Variants in SYT16 observed in about 807,000 individuals in gnomAD.
SYT16 encodes synaptotagmin 16.
In SYT16, 42 loss-of-function variants were observed where a neutral mutation model predicts 61.4. The observed-to-expected ratio is 0.68, with a 90% CI of 0.53 to 0.89. The LOEUF (loss-of-function observed/expected upper bound fraction) is 0.89, where lower values mean the gene tolerates loss of function less well. Among genes scored for constraint, SYT16 ranks in the 40% least tolerant of loss-of-function variants. The pLI, the probability that SYT16 is intolerant of heterozygous loss-of-function variation, is 0.00. For missense variants in SYT16, 804 were observed against 807.3 expected, an observed-to-expected ratio of 1.00 and a Z score of 0.05; for synonymous variants, 314 against 302.3, an observed-to-expected ratio of 1.04 and a Z score of -0.40.
chr14:61,993,834 T>C (rs141757200), intron 2 of SYT16, among the ~76,000 whole-genome samples: 2 of 152,338 alleles, frequency 1.3e-5, no homozygotes, highest in Non-Finnish European at 2.9e-5. Flanking sequence ...TGCTAGGTGT[T>C]GTTTTTTGCA....
At chr14:62,068,459 C>T (rs571972384) in intron 3 of SYT16, among the ~76,000 whole-genome samples, 4 of 152,128 alleles carry the variant, frequency 2.6e-5, no homozygotes, top group African/African-American at 4.8e-5. Flanking sequence ...GTATACAAAG[C>T]GGATATGCAG....
chr14:62,058,665 A>G (rs2055679471), intron 3 of SYT16, among the ~76,000 whole-genome samples: 1 of 152,106 alleles, frequency 6.6e-6, no homozygotes, highest in South Asian at 2.1e-4. Context: ...TGCCTGGCCT[A>G]AATTCTTAAG....
At chr14:62,048,895 A>T (rs2055130498) in intron 3 of SYT16, among the ~76,000 whole-genome samples, 2 of 152,194 alleles carry the variant, frequency 1.3e-5, no homozygotes, top group Admixed American at 1.3e-4. Context: ...TTTACTTCCA[A>T]CTATGTGGCC....
At chr14:61,930,718 T>C (rs2049730779) in intron 1 of SYT16, among the ~76,000 whole-genome samples, 1 of 151,942 alleles carries the variant, frequency 6.6e-6, no homozygotes, top group Non-Finnish European at 1.5e-5. Context: ...GTTGTCCAGG[T>C]GGGACCAATA....
At chr14:62,089,079 G>A (rs2056982395) in intron 7 of SYT16, among the ~76,000 whole-genome samples, 2 of 151,836 alleles carry the variant, frequency 1.3e-5, no homozygotes, top group South Asian at 2.1e-4. Context: ...GCACTTTGGG[G>A]GGCCCAGGTG....
At chr14:61,854,034 A>G (rs2046699067) in intron 1 of SYT16, among the ~76,000 whole-genome samples, 1 of 152,182 alleles carries the variant, frequency 6.6e-6, no homozygotes, top group Non-Finnish European at 1.5e-5. Flanking sequence ...CATACTTTAA[A>G]TATGCTCAGA....
chr14:61,978,098 G>A (rs1251007812), intron 2 of SYT16, among the ~76,000 whole-genome samples: 1 of 152,148 alleles, frequency 6.6e-6, no homozygotes, highest in African/African-American at 2.4e-5. Flanking sequence ...AAGGAATCTA[G>A]TCTCATCTCA....
At chr14:61,999,101 AG>A (rs1039809469) in intron 3 of SYT16, among the ~76,000 whole-genome samples, 111 of 151,570 alleles carry the variant, frequency 7.3e-4, no homozygotes, top group African/African-American at 2.6e-3. Flanking sequence ...ATTGGTCTGT[AG>A]TTTTCTTGCA....
intron 3 of SYT16, among the ~76,000 whole-genome samples, chr14:62,068,111 C>T (rs2056138212): frequency 6.6e-6 from 1 of 152,208 alleles, no homozygotes; most frequent in Admixed American, 6.5e-5. Flanking sequence ...CTCACTGCAG[C>T]ATTATTCACA....
At chr14:62,074,589 A>G (rs1427209794) in intron 4 of SYT16, among the ~76,000 whole-genome samples, 2 of 152,216 alleles carry the variant, frequency 1.3e-5, no homozygotes, top group East Asian at 3.8e-4. Flanking sequence ...AGAAGCAAAG[A>G]TTCAGAGAAT....
intron 1 of SYT16, among the ~76,000 whole-genome samples, chr14:61,902,056 C>T (rs146170588): frequency 0.011 from 1,600 of 152,286 alleles, 8 homozygotes; most frequent in Middle Eastern, 0.031. Flanking sequence ...AGCCACCGTT[C>T]CAGACCTGCT....
At chr14:62,084,170 GA>G in intron 6 of SYT16, 25 bp from the exon 7 acceptor site, 1 of 1,607,990 alleles carries the variant, frequency 6.2e-7, no homozygotes. Context: ...TGGGCCAATG[GA>G]TTCTTTGTTG....
chr14:62,013,701 C>T (rs1212632823), intron 3 of SYT16, among the ~76,000 whole-genome samples: 2 of 152,192 alleles, frequency 1.3e-5, no homozygotes, highest in African/African-American at 2.4e-5. Flanking sequence ...TGCGGTGGCT[C>T]ATGCCCGTAA....
At chr14:61,910,715 G>A (rs1479723757) in intron 1 of SYT16, among the ~76,000 whole-genome samples, 1 of 151,832 alleles carries the variant, frequency 6.6e-6, no homozygotes, top group Non-Finnish European at 1.5e-5. Context: ...TTTTAGTAGA[G>A]ACAGGGTTTC....
intron 1 of SYT16, among the ~76,000 whole-genome samples, chr14:61,840,878 T>C (rs138546381): frequency 8.3e-4 from 126 of 152,306 alleles, no homozygotes; most frequent in African/African-American, 3.0e-3. Flanking sequence ...AAATATCTTA[T>C]TTTAGAAGAG....
chr14:62,077,934 A>G (rs76772921), intron 5 of SYT16, among the ~76,000 whole-genome samples: 99 of 152,248 alleles, frequency 6.5e-4, no homozygotes, highest in African/African-American at 2.3e-3. Flanking sequence ...CCTGATACAT[A>G]AGTGGAGAGA....
chr14:61,939,140 A>G lies in SYT16; in HGVS notation c.-324-30992A>G, dbSNP rs183450828. On this transcript the variant is annotated intron_variant, in intron 1 of 7. Transcript: ENST00000683842. ...ACAGAGTGAGACTTGGTCTCAAATA[A>G]AAACAAAAACAAAAAAACCAAAAAA... is the stretch of plus-strand genomic sequence containing the variant. Among the ~76,000 whole-genome samples, 318 of 152,306 alleles carry G rather than the reference A, an allele frequency of 2.1e-3. 1 individual carries two copies. Among genetic ancestry groups the G allele is most frequent in the African/African-American group, 7.2e-3 (299 of 41,548 alleles).
chr14:61,829,823 T>A (rs773672732), intron 1 of SYT16, among the ~76,000 whole-genome samples: 4 of 151,978 alleles, frequency 2.6e-5, no homozygotes, highest in Non-Finnish European at 4.4e-5. Flanking sequence ...CCCAGCTAAT[T>A]TTTTGTATTT....
intron 2 of SYT16, among the ~76,000 whole-genome samples, chr14:61,981,347 G>T (rs2052066038): frequency 6.6e-6 from 1 of 152,100 alleles, no homozygotes; most frequent in Non-Finnish European, 1.5e-5. Context: ...AATCATCATA[G>T]AATCTTACCT....
Sources: allele counts gnomAD v4.1 joint callset (sites outside exome capture counted in the v4.1 genomes callset), GRCh38; gene constraint gnomAD v4.1.1; transcripts MANE v1.5; gene names NCBI Gene and HGNC (gene_info 2026-07-23, HGNC 2026-07-21).